SHPRH: variants seen among roughly 807,000 people sequenced by gnomAD.
SHPRH encodes the protein SNF2 histone linker PHD RING helicase.
SHPRH carries 106 observed loss-of-function variants against 202.5 expected under a neutral mutation model. The ratio of observed to expected loss-of-function variants is 0.52; its 90% CI spans 0.45 to 0.62. The LOEUF (loss-of-function observed/expected upper bound fraction) is 0.62, where lower values mean the gene tolerates loss of function less well. SHPRH is among the 20% of genes least tolerant of loss of function. The probability of loss-of-function intolerance (pLI) is 0.00; values close to 1 mark genes in which losing one functional copy is unlikely to be tolerated. For missense variants in SHPRH, 1,710 were observed against 2,020.0 expected (o/e 0.85, Z 2.94); for synonymous variants, 729 against 686.0 (o/e 1.06, Z -0.98).
chr6:145,934,540 TA>T (rs1562340799), intron 13 of SHPRH, among the ~76,000 whole-genome samples: 1 of 143,848 alleles, frequency 7.0e-6, no homozygotes, highest in Non-Finnish European at 1.5e-5. Context: ...TGTGCACTTG[TA>T]GTCTTAGCTA....
intron 23 of SHPRH, among the ~76,000 whole-genome samples, chr6:145,916,528 T>C (rs1245384586): frequency 6.6e-6 from 1 of 152,132 alleles, no homozygotes; most frequent in African/African-American, 2.4e-5. Flanking sequence ...CTGTGCCTAA[T>C]TGTTGGCAGA....
In SHPRH at chr6:145,943,024, A is replaced by G. The variant is rs2128782157; in HGVS notation, c.2238+119T>C. ...TTTCTTTAAGCTTTGATTTAACATT[A>G]CTATTAAATCATTCAGTTAGTTTTG... is the stretch of plus-strand genomic sequence containing the variant. On this transcript the variant is annotated intron_variant, in intron 9 of 29. Coordinates refer to ENST00000275233, the MANE Select transcript of SHPRH (RefSeq NM_001042683.3). 3 of 1,164,946 alleles carry G rather than the reference A, an allele frequency of 2.6e-6. No individual in the cohort carries two copies. In the East Asian group the frequency reaches 7.3e-5, roughly 28 times the overall value. The allele number at this position is 1,164,946 out of a possible 1,614,324, so 72.2% of individuals were successfully genotyped here.
At chr6:145,867,599 AATATATATATATATAT>A (rs374395571) in intron 2 of SHPRH, among the ~76,000 whole-genome samples, 1 of 21,592 alleles carries the variant, frequency 4.6e-5, no homozygotes, top group Non-Finnish European at 7.9e-5. Context: ...TTCAAAAAAG[AATATATATATATATAT>A]ATATATATAT....
At chr6:145,927,453 G>C (rs1784982751) in intron 14 of SHPRH, 176 bp from the exon 15 acceptor site, 1 of 498,176 alleles carries the variant, frequency 2.0e-6, no homozygotes, top group African/African-American at 1.9e-5. Context: ...AAAAAAGGCT[G>C]AGTACAGTTC....
rs9485032 is a variant in SHPRH, at chr6:145,931,196, C to T, written c.3112+1861G>A. Reference sequence around the variant, plus strand: ...TTTTAATCCAGTCTGACAATCCAGGCCTCTTAATTGGGATATTTAGACCAT... The same window carrying T: ...TTTTAATCCAGTCTGACAATCCAGGTCTCTTAATTGGGATATTTAGACCAT... On this transcript the variant is annotated intron_variant, in intron 14 of 29. Coordinates refer to ENST00000275233, the MANE Select transcript of SHPRH (RefSeq NM_001042683.3). Among the ~76,000 whole-genome samples, 798 of 152,112 alleles carry T rather than the reference C, an allele frequency of 5.2e-3. 4 individuals carry two copies. Among genetic ancestry groups the T allele is most frequent in the African/African-American group, 0.018 (763 of 41,488 alleles).
chr6:145,906,872 CT>C (rs1783010044), intron 25 of SHPRH: 1 of 152,170 alleles, frequency 6.6e-6, no homozygotes, highest in African/African-American at 2.4e-5. Flanking sequence ...GTTGATCCAC[CT>C]TCAGCACTAC....
At chr6:145,962,220 T>C (rs1789160564) in intron 1 of SHPRH, among the ~76,000 whole-genome samples, 1 of 152,206 alleles carries the variant, frequency 6.6e-6, no homozygotes, top group African/African-American at 2.4e-5. Flanking sequence ...CTCTCTCTCC[T>C]CGATCCCAAC....
intron 25 of SHPRH, chr6:145,903,403 T>TC (rs1478884539): frequency 6.9e-6 from 1 of 145,932 alleles, no homozygotes; most frequent in Non-Finnish European, 1.5e-5. Context: ...GCTAGGCTTC[T>TC]CTGTGAGTTG....
chr6:145,898,019 T>C (rs986125015), intron 25 of SHPRH, among the ~76,000 whole-genome samples: 13 of 151,798 alleles, frequency 8.6e-5, no homozygotes, highest in Admixed American at 6.6e-4. Flanking sequence ...GCTAGAGCAA[T>C]TAGGCAAGAA....
rs1788759049 is a variant in SHPRH at position 145,958,744 on chromosome 6, G to A, written c.-32-3390C>T. On this transcript the variant is annotated intron_variant, in intron 1 of 29. Coordinates refer to ENST00000275233, the MANE Select transcript of SHPRH (RefSeq NM_001042683.3). ...GTATAATGACATTTTGGTCAATGAG[G>A]GACCAAATATTACAGTGGTTCCATA... 3.3e-5 allele frequency among the ~76,000 whole-genome samples: 5 copies of A among 152,108 alleles called. No individual in the cohort carries two copies. The South Asian group carries it at 1.0e-3, about 32-fold the overall frequency.
At chr6:145,871,588 G>A (rs906960748) in intron 2 of SHPRH, 1 of 152,134 alleles carries the variant, frequency 6.6e-6, no homozygotes, top group African/African-American at 2.4e-5. Flanking sequence ...TCATGGATAG[G>A]AAGAATCAAT....
intron 25 of SHPRH, 110 bp from the exon 26 acceptor site, chr6:145,895,087 A>G (rs1439093700): frequency 1.1e-6 from 1 of 900,682 alleles, no homozygotes; most frequent in Non-Finnish European, 1.7e-6. Flanking sequence ...ATGCATCAAA[A>G]CAAATTATCA....
At chr6:145,882,442 T>C (rs1392565458), downstream of SHPRH, among the ~76,000 whole-genome samples, 2 of 152,202 alleles carry the variant, frequency 1.3e-5, no homozygotes, top group African/African-American at 2.4e-5. Context: ...CTGGGGAAGT[T>C]TTAGGTAAAT....
intron 23 of SHPRH, among the ~76,000 whole-genome samples, chr6:145,914,204 T>A (rs1227655909): frequency 6.6e-6 from 1 of 152,084 alleles, no homozygotes; most frequent in Non-Finnish European, 1.5e-5. Flanking sequence ...ATGCTCATGT[T>A]TGGCAGTTGG....
chr6:145,943,699 T>A lies in SHPRH; in HGVS notation c.1682A>T (p.Asp561Val). The change falls in exon 9 of 30, where the codon GAT (aspartate) becomes GTT (valine). Residue 561 changes from aspartate to valine, a missense_variant. This residue lies in a region of SHPRH where 348 missense variants were observed against 356.9 expected (regional missense o/e 0.97). Coordinates refer to ENST00000275233, the MANE Select transcript of SHPRH (RefSeq NM_001042683.3). Reference sequence around the variant, plus strand: ...GGACTTATAATAATAATAGTAAGGATCATCATCATCATCAGAGGTGTCTGA... The same window carrying A: ...GGACTTATAATAATAATAGTAAGGAACATCATCATCATCAGAGGTGTCTGA... ...LPSDTSDDDDDPYYYYYKSRR... is the reference protein window; with the variant it reads ...LPSDTSDDDDVPYYYYYKSRR... The A allele has an allele frequency of 1.2e-6, 2 of 1,611,208 alleles. No homozygotes were observed. The highest frequency in any genetic ancestry group is 1.7e-6 in the Non-Finnish European group (2 of 1,177,826).
chr6:145,920,862 A>G lies in SHPRH; in HGVS notation c.4008+305T>C, dbSNP rs111793403. On this transcript the variant is annotated intron_variant, in intron 21 of 29. Coordinates refer to ENST00000275233, the MANE Select transcript of SHPRH (RefSeq NM_001042683.3). ...AACAAAAACAAAACTCTAATTTCAT[A>G]TAATAGCAGTGGAAGATCAAGCTAA... Among the ~76,000 whole-genome samples, 1,268 of 152,246 alleles carry G rather than the reference A, an allele frequency of 8.3e-3. 11 individuals carry two copies. Among genetic ancestry groups the G allele is most frequent in the African/African-American group, 0.029 (1,202 of 41,570 alleles).
At chr6:145,922,451 A>T in intron 19 of SHPRH, 103 bp from the exon 20 acceptor site, 3 of 1,319,666 alleles carry the variant, frequency 2.3e-6, no homozygotes, top group Non-Finnish European at 3.1e-6. Context: ...TTTCCACTAG[A>T]TATGCCATTT....
At chr6:145,953,240 C>A (rs1788163931) in intron 2 of SHPRH, among the ~76,000 whole-genome samples, 1 of 152,038 alleles carries the variant, frequency 6.6e-6, no homozygotes, top group African/African-American at 2.4e-5. Context: ...CAGGAATCCA[C>A]CAGCCTTACA....
At chr6:145,869,416 C>T in intron 2 of SHPRH, among the ~76,000 whole-genome samples, 1 of 152,130 alleles carries the variant, frequency 6.6e-6, no homozygotes, top group East Asian at 1.9e-4. Flanking sequence ...CATTGCCAAA[C>T]CCAAGGCGAT....
Sources: gnomAD v4.1 joint callset for allele counts (sites outside exome capture counted in the v4.1 genomes callset) on GRCh38, gnomAD v4.1.1 for gene constraint, gnomAD v4.1.1 regional missense constraint, MANE v1.5 for transcripts, NCBI Gene and HGNC (gene_info 2026-07-23, HGNC 2026-07-21) for gene names.